TAF5: variants seen among roughly 807,000 people sequenced by gnomAD.
The protein encoded by TAF5 is TATA-box binding protein associated factor 5.
Under a neutral mutation model 80.9 loss-of-function variants are expected in TAF5, and 20 were observed. The observed-to-expected ratio is 0.25, with a 90% confidence interval of 0.17 to 0.36. The LOEUF is 0.36. Among genes scored for constraint, TAF5 ranks in the 10% least tolerant of loss-of-function variants. The probability of loss-of-function intolerance (pLI) is 1.00; values close to 1 mark genes in which losing one functional copy is unlikely to be tolerated. For synonymous variants in TAF5, 388 were observed against 406.4 expected (o/e 0.95, Z 0.55); for missense variants, 863 against 1,029.4 (o/e 0.84, Z 2.21).
rs780937228 is a variant in TAF5, at chr10:103,388,267, A to G, written c.*44A>G. On this transcript the variant is annotated 3_prime_UTR_variant, in exon 11 of 11. Coordinates refer to ENST00000369839, the MANE Select transcript of TAF5 (RefSeq NM_006951.5). ...CTTTTGGAAGCTACTGTTTTTAAAA[A>G]GGGAGACTAAAAGCAAATACCTCAG... The G allele has an allele frequency of 1.2e-5, 19 of 1,521,550 alleles. No individual in the cohort carries two copies. Among genetic ancestry groups the G allele is most frequent in the Non-Finnish European group, 5.4e-6 (6 of 1,116,242 alleles). The allele number at this position is 1,521,550 out of a possible 1,614,324, so 94.3% of individuals were successfully genotyped here.
chr10:103,383,196 T>C (rs778259468), intron 6 of TAF5, 42 bp from the exon 7 acceptor site: 5 of 1,502,960 alleles, frequency 3.3e-6, no homozygotes, highest in Non-Finnish European at 8.9e-7. Flanking sequence ...AAAGTTTTGA[T>C]GAATGTACTT....
intron 2 of TAF5, among the ~76,000 whole-genome samples, chr10:103,375,437 A>C (rs1490796082): frequency 6.6e-6 from 1 of 152,176 alleles, no homozygotes; most frequent in Non-Finnish European, 1.5e-5. Flanking sequence ...TTCCTGACAC[A>C]GAAAACCCTA....
chr10:103,384,461 C>T (rs1323609352), intron 7 of TAF5, among the ~76,000 whole-genome samples: 1 of 152,120 alleles, frequency 6.6e-6, no homozygotes, highest in African/African-American at 2.4e-5. Flanking sequence ...GAAATCCTGT[C>T]TCCACTAAAA....
intron 8 of TAF5, among the ~76,000 whole-genome samples, chr10:103,386,521 A>G (rs1189050959): frequency 6.6e-6 from 1 of 152,116 alleles, no homozygotes; most frequent in East Asian, 1.9e-4. Context: ...GGAAGAATAT[A>G]CAGAGAATTG....
Position 103,381,789 on chromosome 10 carries a change from C to CA in TAF5, c.1483dup (p.Arg495LysfsTer12). ...CTGGAGGTTTTGCAGATTCAACTGT[C>CA]AGAGTGTGGTCGGTAACACCCAAAA... On this transcript the variant is annotated frameshift_variant, in exon 6 of 11. Transcript: ENST00000369839. LOFTEE classifies it high-confidence loss of function. 2 of 1,614,166 alleles carry CA rather than the reference C, an allele frequency of 1.2e-6. No individual in the cohort carries two copies. The highest frequency in any genetic ancestry group is 2.2e-5 in the East Asian group (1 of 44,884).
intron 8 of TAF5, among the ~76,000 whole-genome samples, chr10:103,386,949 C>G (rs190709809): frequency 2.3e-4 from 35 of 151,250 alleles, no homozygotes; most frequent in Non-Finnish European, 2.7e-4. Flanking sequence ...AAGCGTGAGC[C>G]CCCATGCCTG....
rs1011525031 is a variant in TAF5 at position 103,374,358 on chromosome 10, G to T, written c.797+763G>T. On this transcript the variant is annotated intron_variant, in intron 2 of 10. Transcript: ENST00000369839. This position sits in a 1 kb window ranked among gnomAD's most constrained non-coding sequence, Gnocchi z 4.3. ...CATTACCAGGGCCCCAAGCTCCCTC[G>T]GTCTTGTTGCTCTCTCATGCTTTTC... Among the ~76,000 whole-genome samples, 1 of 152,124 alleles carries T rather than the reference G, an allele frequency of 6.6e-6. No homozygotes were observed. The highest frequency in any genetic ancestry group is 2.4e-5 in the African/African-American group (1 of 41,424).
chr10:103,380,417 C>T (rs1040245457), intron 5 of TAF5, among the ~76,000 whole-genome samples: 21 of 152,036 alleles, frequency 1.4e-4, no homozygotes, highest in Admixed American at 1.4e-3. Context: ...CATGAGCCAC[C>T]GCATGTGGCC....
intron 1 of TAF5, 87 bp from the exon 2 acceptor site, chr10:103,373,271 C>A: frequency 3.0e-6 from 3 of 993,624 alleles, no homozygotes; most frequent in South Asian, 1.6e-5. Context: ...GTCTGAGAAA[C>A]AACTCACCTG....
At chr10:103,385,970 G>T (rs1439319070) in intron 8 of TAF5, among the ~76,000 whole-genome samples, 2 of 149,842 alleles carry the variant, frequency 1.3e-5, no homozygotes, top group Non-Finnish European at 1.5e-5. Flanking sequence ...ATTGGGGCAG[G>T]AGTATTATTA....
chr10:103,373,889 T>C (rs2093365118), intron 2 of TAF5, among the ~76,000 whole-genome samples: 1 of 152,038 alleles, frequency 6.6e-6, no homozygotes, highest in Non-Finnish European at 1.5e-5. Flanking sequence ...AGCTCTCTGG[T>C]GGGAAGGATC....
chr10:103,376,318 C>T (rs753243088), intron 2 of TAF5, among the ~76,000 whole-genome samples: 3 of 151,898 alleles, frequency 2.0e-5, no homozygotes, highest in African/African-American at 4.8e-5. Flanking sequence ...CTTGAACTCC[C>T]GACCTCAGGT....
chr10:103,385,980 A>G (rs189912295), intron 8 of TAF5, among the ~76,000 whole-genome samples: 61 of 150,736 alleles, frequency 4.0e-4, no homozygotes, highest in African/African-American at 1.3e-3. Flanking sequence ...GAGTATTATT[A>G]TATCTGCAAT....
At chr10:103,384,875 A>G (rs1218805226) in intron 7 of TAF5, among the ~76,000 whole-genome samples, 1 of 152,136 alleles carries the variant, frequency 6.6e-6, no homozygotes, top group Non-Finnish European at 1.5e-5. Context: ...TTTTCTTCAA[A>G]AGACATTTCC....
At chr10:103,375,738 A>G (rs1205755721) in intron 2 of TAF5, among the ~76,000 whole-genome samples, 1 of 152,084 alleles carries the variant, frequency 6.6e-6, no homozygotes, top group East Asian at 1.9e-4. Flanking sequence ...GGGCTGAGTT[A>G]TAGAAGCCAA....
rs564886998 is a variant in TAF5 at position 103,388,998 on chromosome 10, C to T, written c.*775C>T. 1.3e-5 allele frequency: 2 copies of T among 152,726 alleles called. No individual in the cohort carries two copies. The highest frequency in any genetic ancestry group is 4.1e-4 in the South Asian group (2 of 4,828). The allele number at this position is 152,726 out of a possible 1,614,324, so 9.5% of individuals were successfully genotyped here. ...TCACTGCCAGTTTTTGCCTTTGTTG[C>T]ATTTTGTACAGTTTTTATATTTTTG... On this transcript the variant is annotated 3_prime_UTR_variant, in exon 11 of 11. Coordinates refer to ENST00000369839, the MANE Select transcript of TAF5 (RefSeq NM_006951.5).
At position 103,376,292 on chromosome 10, in the gene TAF5, T is replaced by G. The variant is rs1337431887; in HGVS notation, c.798-1943T>G. Reference sequence around the variant, plus strand: ...TTTTAGTAGAGACAGGGTTTCTTCATGTTGGTCAGGCTGGTCTTGAACTCC... The same window carrying G: ...TTTTAGTAGAGACAGGGTTTCTTCAGGTTGGTCAGGCTGGTCTTGAACTCC... On this transcript the variant is annotated intron_variant, in intron 2 of 10. Transcript: ENST00000369839. Among the ~76,000 whole-genome samples the G allele has an allele frequency of 6.6e-5, 10 of 152,058 alleles. No homozygotes were observed. In the East Asian group the frequency reaches 2.0e-3, roughly 30 times the overall value.
Position 103,388,305 on chromosome 10 carries a change from A to G in TAF5, c.*82A>G. The G allele has an allele frequency of 8.3e-7, 1 of 1,208,938 alleles. No individual in the cohort carries two copies. The highest frequency in any genetic ancestry group is 1.4e-5 in the South Asian group (1 of 69,876). 74.9% of individuals were successfully genotyped at this position (1,208,938 alleles called of 1,614,324 possible). On this transcript the variant is annotated 3_prime_UTR_variant, in exon 11 of 11. Coordinates refer to ENST00000369839, the MANE Select transcript of TAF5 (RefSeq NM_006951.5). ...GCAAATACCTCAGTGATTAATATTTAAGCTACAGAGAATGTTTTTGTCTAT... is the reference window on the plus strand; with the variant it reads ...GCAAATACCTCAGTGATTAATATTTGAGCTACAGAGAATGTTTTTGTCTAT...
rs1250409146 is a variant in TAF5, at chr10:103,374,259, G to A, written c.797+664G>A. Among the ~76,000 whole-genome samples, 1 of 152,318 alleles carries A rather than the reference G, an allele frequency of 6.6e-6. No individual in the cohort carries two copies. Among genetic ancestry groups the A allele is most frequent in the Middle Eastern group, 3.4e-3 (1 of 294 alleles). On this transcript the variant is annotated intron_variant, in intron 2 of 10. Transcript: ENST00000369839. The surrounding 1 kb of genome is among the most constrained non-coding windows in gnomAD (Gnocchi z 4.3). ...AGTAACTGAGAACCCAAACAACAGA[G>A]GTTTAAATACAATAAAAGTTTGTTT...
Sources: allele counts gnomAD v4.1 joint callset (sites outside exome capture counted in the v4.1 genomes callset), GRCh38; gene constraint gnomAD v4.1.1; non-coding constraint Gnocchi (gnomAD v3.1); transcripts MANE v1.5; gene names NCBI Gene and HGNC (gene_info 2026-07-23, HGNC 2026-07-21).